PALM2AKAP2: variants seen among roughly 807,000 people sequenced by gnomAD.
PALM2AKAP2 encodes the protein PALM2 and AKAP2 fusion.
PALM2AKAP2 carries 37 observed loss-of-function variants against 71.5 expected under a neutral mutation model. The observed-to-expected ratio is 0.52, with a 90% CI of 0.40 to 0.68. The LOEUF (loss-of-function observed/expected upper bound fraction) is 0.68. Ranked by LOEUF, PALM2AKAP2 falls within the 30% of genes least tolerant of loss-of-function variation. The pLI, the probability that PALM2AKAP2 is intolerant of heterozygous loss-of-function variation, is 0.00. For missense variants in PALM2AKAP2, 1,224 were observed against 1,191.8 expected (o/e 1.03, Z -0.40); for synonymous variants, 468 against 478.8 (o/e 0.98, Z 0.29).
At chr9:109,941,858 G>C (rs1024975271) in intron 6 of PALM2AKAP2, among the ~76,000 whole-genome samples, 1 of 152,144 alleles carries the variant, frequency 6.6e-6, no homozygotes, top group Non-Finnish European at 1.5e-5. Flanking sequence ...AACAATCTAG[G>C]GAAGAGGAAG....
intron 1 of PALM2AKAP2, chr9:109,847,607 G>C (rs1013508186): frequency 6.6e-6 from 1 of 152,368 alleles, no homozygotes; most frequent in East Asian, 1.9e-4. Flanking sequence ...TGGCCGTGGT[G>C]GCGGGCGCCT....
chr9:110,043,716 G>GTTTTTTTTTTTT (rs61128628), upstream of PALM2AKAP2, among the ~76,000 whole-genome samples: 5 of 91,580 alleles, frequency 5.5e-5, no homozygotes, highest in Non-Finnish European at 8.2e-5. Flanking sequence ...TTTTTTTGGT[G>GTTTTTTTTTTTT]TTTTTTTTTT....
intron 6 of PALM2AKAP2, among the ~76,000 whole-genome samples, chr9:109,959,218 C>A (rs1362880179): frequency 2.6e-5 from 4 of 152,196 alleles, no homozygotes; most frequent in Non-Finnish European, 5.9e-5. Flanking sequence ...TCACTTGTGA[C>A]TCCCTGCTCC....
intron 1 of PALM2AKAP2, among the ~76,000 whole-genome samples, chr9:110,099,278 C>T (rs1834933902): frequency 6.6e-6 from 1 of 152,238 alleles, no homozygotes; most frequent in South Asian, 2.1e-4. Flanking sequence ...ACCCTGCAGC[C>T]TTCTGCTCCT....
At chr9:109,879,256 G>A (rs1323929100) in intron 2 of PALM2AKAP2, among the ~76,000 whole-genome samples, 1 of 152,224 alleles carries the variant, frequency 6.6e-6, no homozygotes, top group Admixed American at 6.5e-5. Context: ...CAGAGGTGAT[G>A]CCAGTGAGCC....
chr9:109,714,943 G>A (rs1330413444), intron 1 of PALM2AKAP2, among the ~76,000 whole-genome samples: 1 of 152,160 alleles, frequency 6.6e-6, no homozygotes, highest in Non-Finnish European at 1.5e-5. Flanking sequence ...TCAAAGTTTA[G>A]CTTCTCCCCA....
intron 1 of PALM2AKAP2, among the ~76,000 whole-genome samples, chr9:109,723,792 T>TG (rs1443588949): frequency 1.3e-5 from 2 of 152,242 alleles, no homozygotes; most frequent in Non-Finnish European, 2.9e-5. Flanking sequence ...TCCTCCTGTG[T>TG]GTAGGCTCCT....
chr9:109,883,152 G>T (rs1038966488), intron 3 of PALM2AKAP2, among the ~76,000 whole-genome samples: 1 of 152,222 alleles, frequency 6.6e-6, no homozygotes, highest in Admixed American at 6.5e-5. Flanking sequence ...AGGAGGTGTT[G>T]TGGGTTAGGG....
chr9:110,099,115 A>G (rs1301836308), intron 1 of PALM2AKAP2, among the ~76,000 whole-genome samples: 3 of 152,226 alleles, frequency 2.0e-5, no homozygotes, highest in Non-Finnish European at 2.9e-5. Flanking sequence ...TTTTGTCTTC[A>G]TGGGGAAGAA....
At chr9:109,677,758 C>G (rs1484296201) in intron 1 of PALM2AKAP2, among the ~76,000 whole-genome samples, 1 of 152,050 alleles carries the variant, frequency 6.6e-6, no homozygotes, top group African/African-American at 2.4e-5. Context: ...TGCCTCAAGC[C>G]CCTAACTTCA....
At chr9:109,853,790 A>G (rs973098481) in intron 1 of PALM2AKAP2, among the ~76,000 whole-genome samples, 6 of 152,238 alleles carry the variant, frequency 3.9e-5, no homozygotes, top group Admixed American at 1.3e-4. Flanking sequence ...TATACTTGAC[A>G]CTGGGTATTA....
chr9:110,101,189 C>A (rs1379134166), intron 1 of PALM2AKAP2, among the ~76,000 whole-genome samples: 1 of 152,084 alleles, frequency 6.6e-6, no homozygotes, highest in East Asian at 1.9e-4. Flanking sequence ...CCCGCTTCAG[C>A]CTTTTCTCTC....
chr9:110,017,159 A>T (rs759487373), intron 7 of PALM2AKAP2, among the ~76,000 whole-genome samples: 1 of 152,228 alleles, frequency 6.6e-6, no homozygotes, highest in African/African-American at 2.4e-5. Flanking sequence ...GATTACAGGC[A>T]TGAGCCAAAC....
intron 6 of PALM2AKAP2, among the ~76,000 whole-genome samples, chr9:109,994,797 C>G (rs948989050): frequency 1.1e-4 from 16 of 152,202 alleles, no homozygotes; most frequent in African/African-American, 3.9e-4. Flanking sequence ...CCCCCTTGCT[C>G]TCTGACTCTG....
chr9:109,730,306 A>G (rs1041792458), intron 1 of PALM2AKAP2, among the ~76,000 whole-genome samples: 1 of 152,230 alleles, frequency 6.6e-6, no homozygotes, highest in Non-Finnish European at 1.5e-5. Context: ...CAATTCATAA[A>G]TGTCTTGCTG....
At chr9:109,950,136 A>G (rs1188906209) in intron 6 of PALM2AKAP2, among the ~76,000 whole-genome samples, 1 of 152,088 alleles carries the variant, frequency 6.6e-6, no homozygotes, top group Non-Finnish European at 1.5e-5. Context: ...CTACTAAAAA[A>G]TATAAAAATT....
chr9:109,932,382 G>C (rs1196867986), intron 6 of PALM2AKAP2, among the ~76,000 whole-genome samples: 1 of 152,220 alleles, frequency 6.6e-6, no homozygotes, highest in Non-Finnish European at 1.5e-5. Context: ...AATTGAGAGA[G>C]CCATCCATGA....
At chr9:109,931,983 A>ACAG (rs752874662) in exon 6 of PALM2AKAP2, 1 of 1,614,106 alleles carries the variant, frequency 6.2e-7, no homozygotes, top group Admixed American at 1.7e-5. Flanking sequence ...CTGTTCACGA[A>ACAG]CAGCAGAACC....
chr9:109,695,119 G>A (rs10980006), intron 1 of PALM2AKAP2, among the ~76,000 whole-genome samples: 148 of 152,240 alleles, frequency 9.7e-4, no homozygotes, highest in Admixed American at 2.0e-3. Context: ...TAATCTTGGA[G>A]ACTTTGGAAA....
Sources: allele counts gnomAD v4.1 joint callset (sites outside exome capture counted in the v4.1 genomes callset), GRCh38; gene constraint gnomAD v4.1.1; transcripts MANE v1.5; gene names NCBI Gene and HGNC (gene_info 2026-07-23, HGNC 2026-07-21).